PLEKHA5: variants seen among roughly 807,000 people sequenced by gnomAD.
The protein encoded by PLEKHA5 is pleckstrin homology domain-containing family A member 5.
Under a neutral mutation model 181.9 loss-of-function variants are expected in PLEKHA5, and 55 were observed. The observed-to-expected ratio is 0.30, with a 90% CI of 0.24 to 0.38. The LOEUF is 0.38. Among genes scored for constraint, PLEKHA5 ranks in the 10% least tolerant of loss-of-function variants. The pLI, the probability that PLEKHA5 is intolerant of heterozygous loss-of-function variation, is 1.00. For synonymous variants in PLEKHA5, 535 were observed against 529.4 expected, an observed-to-expected ratio of 1.01 and a Z score of -0.15; for missense variants, 1,432 against 1,549.5, an observed-to-expected ratio of 0.92 and a Z score of 1.27.
chr12:19,245,071 A>G (rs2063407874), intron 3 of PLEKHA5, among the ~76,000 whole-genome samples: 1 of 152,198 alleles, frequency 6.6e-6, no homozygotes, highest in Non-Finnish European at 1.5e-5. Flanking sequence ...CATTTTTCTG[A>G]AGGTAGAAAC....
At chr12:19,374,370 A>AT (rs1200009229) in intron 31 of PLEKHA5, among the ~76,000 whole-genome samples, 1 of 152,060 alleles carries the variant, frequency 6.6e-6, no homozygotes, top group African/African-American at 2.4e-5. Context: ...TTATAATCAC[A>AT]TTATGTTGGC....
chr12:19,255,035 A>G lies in PLEKHA5; in HGVS notation c.312-10A>G, dbSNP rs1305325892. The G allele has an allele frequency of 1.9e-6, 3 of 1,597,210 alleles. No homozygotes were observed. The highest frequency in any genetic ancestry group is 2.6e-6 in the Non-Finnish European group (3 of 1,169,070). On this transcript the variant is annotated splice_polypyrimidine_tract_variant and intron_variant, in intron 4 of 31. Transcript: ENST00000429027. ...ACAGCAAGTTCTAGCATTTTGACATATATTTTCAGGACTGTTGCAACCATG... is the reference window on the plus strand; with the variant it reads ...ACAGCAAGTTCTAGCATTTTGACATGTATTTTCAGGACTGTTGCAACCATG...
In PLEKHA5 at chr12:19,153,402, A is replaced by G. The variant is rs2040915494; in HGVS notation, c.227+20952A>G. 3.3e-5 allele frequency: 5 copies of G among 152,110 alleles called. No homozygotes were observed. In the South Asian group the frequency reaches 8.3e-4, roughly 25 times the overall value. The allele number at this position is 152,110 out of a possible 1,614,324, so 9.4% of individuals were successfully genotyped here. On this transcript the variant is annotated intron_variant, in intron 3 of 31. Coordinates refer to ENST00000429027, the MANE Select transcript of PLEKHA5 (RefSeq NM_001256470.2). ...ATCTTACATTGTTGGGATCAACCCA[A>G]CTTGGTCATGAAGTACTCTTTTTTC...
chr12:19,329,596 T>C (rs1395167425), intron 20 of PLEKHA5, among the ~76,000 whole-genome samples: 1 of 152,210 alleles, frequency 6.6e-6, no homozygotes, highest in Non-Finnish European at 1.5e-5. Context: ...ATCTATTTCA[T>C]CTAGATTTTC....
At chr12:19,270,910 G>T (rs572942516) in intron 10 of PLEKHA5, among the ~76,000 whole-genome samples, 7 of 151,564 alleles carry the variant, frequency 4.6e-5, no homozygotes, top group Middle Eastern at 3.4e-3. Context: ...TTGGCTTTTT[G>T]GCTAAAAGAC....
intron 29 of PLEKHA5, among the ~76,000 whole-genome samples, chr12:19,365,315 T>C (rs533427184): frequency 2.0e-5 from 3 of 147,412 alleles, no homozygotes; most frequent in South Asian, 4.3e-4. Flanking sequence ...GCAGTGAGCC[T>C]AGATCGCGCC....
chr12:19,195,557 C>G (rs2052471802), intron 3 of PLEKHA5, among the ~76,000 whole-genome samples: 1 of 150,882 alleles, frequency 6.6e-6, no homozygotes, highest in South Asian at 2.1e-4. Flanking sequence ...GTAGTCTCAG[C>G]TACTCTGAGG....
intron 15 of PLEKHA5, among the ~76,000 whole-genome samples, chr12:19,305,576 A>T (rs2083060408): frequency 7.2e-6 from 1 of 138,540 alleles, no homozygotes; most frequent in African/African-American, 2.7e-5. Context: ...AAAAAAAAAG[A>T]CCCAGCACGG....
chr12:19,256,808 C>T (rs1455511860), intron 5 of PLEKHA5, among the ~76,000 whole-genome samples: 2 of 151,998 alleles, frequency 1.3e-5, no homozygotes, highest in East Asian at 3.9e-4. Context: ...TCATGGTAAC[C>T]ATAGCAGTAT....
intron 3 of PLEKHA5, chr12:19,200,180 C>T: frequency 1.7e-6 from 1 of 572,412 alleles, no homozygotes. Flanking sequence ...GTGATGGATC[C>T]CCTCAAATAA....
chr12:19,171,076 T>C (rs2045780924), intron 3 of PLEKHA5, among the ~76,000 whole-genome samples: 1 of 152,232 alleles, frequency 6.6e-6, no homozygotes, highest in South Asian at 2.1e-4. Context: ...ATATTTCTCC[T>C]TGCTTTTTCC....
At chr12:19,194,028 C>A (rs2151985638) in intron 3 of PLEKHA5, among the ~76,000 whole-genome samples, 1 of 152,272 alleles carries the variant, frequency 6.6e-6, no homozygotes, top group East Asian at 1.9e-4. Flanking sequence ...CGCCATGACC[C>A]AAACACCTCC....
intron 3 of PLEKHA5, among the ~76,000 whole-genome samples, chr12:19,238,799 CAAAAAAA>C (rs3056444): frequency 1.5e-4 from 13 of 85,516 alleles, no homozygotes; most frequent in African/African-American, 4.6e-4. Flanking sequence ...TAAATCTGGC[CAAAAAAA>C]AAAAAAAAAA....
chr12:19,322,358 G>A lies in PLEKHA5; in HGVS notation c.2266G>A (p.Glu756Lys), dbSNP rs753486110. 41 of 1,613,480 alleles carry A rather than the reference G, an allele frequency of 2.5e-5. No individual in the cohort carries two copies. Among genetic ancestry groups the A allele is most frequent in the Non-Finnish European group, 3.4e-5 (40 of 1,179,490 alleles). Residue 756 changes from glutamate (E) to lysine (K), a missense_variant, in exon 19 of 32, where the codon GAA becomes AAA. Glu to Lys is a moderately conservative substitution (Grantham distance 56). Coordinates refer to ENST00000429027, the MANE Select transcript of PLEKHA5 (RefSeq NM_001256470.2). ...CEQDKVVHAL[E>K]EKLQQLHKEK... is the part of the protein sequence containing the mutation. ...ACAAGATAAAGTGGTGCATGCTCTG[G>A]AAGAGAAACTTCAGCAACTCCACAA...
chr12:19,148,199 G>C (rs1565867802), intron 3 of PLEKHA5, among the ~76,000 whole-genome samples: 1 of 152,160 alleles, frequency 6.6e-6, no homozygotes, highest in Non-Finnish European at 1.5e-5. Flanking sequence ...TGGCATTTCA[G>C]GCACCTGCCA....
At chr12:19,174,787 T>C (rs1424202668) in intron 3 of PLEKHA5, among the ~76,000 whole-genome samples, 1 of 152,216 alleles carries the variant, frequency 6.6e-6, no homozygotes, top group Non-Finnish European at 1.5e-5. Context: ...GGTTGTATTT[T>C]TATCTGTACA....
intron 9 of PLEKHA5, 121 bp from the exon 10 acceptor site, chr12:19,270,067 A>G (rs990991084): frequency 3.1e-6 from 2 of 652,380 alleles, no homozygotes; most frequent in Non-Finnish European, 5.0e-6. Context: ...TTAGTTTGCG[A>G]TACCACCTAC....
chr12:19,351,925 T>G (rs2094611955), intron 25 of PLEKHA5, among the ~76,000 whole-genome samples: 1 of 151,744 alleles, frequency 6.6e-6, no homozygotes. Flanking sequence ...AATACAAAAT[T>G]AGCTAGGCAT....
At position 19,319,736 on chromosome 12, in the gene PLEKHA5, G is replaced by A; in HGVS notation, c.2119-285G>A. ...CTGCAGAGGCTGTGATGTTATCTGT[G>A]GTATAACTGACTGGGATGGCTATTG... is the stretch of plus-strand genomic sequence containing the variant. On this transcript the variant is annotated intron_variant, in intron 16 of 31. Coordinates refer to ENST00000429027, the MANE Select transcript of PLEKHA5 (RefSeq NM_001256470.2). 3 of 265,474 alleles carry A rather than the reference G, an allele frequency of 1.1e-5. No individual in the cohort carries two copies. In the South Asian group the frequency reaches 1.4e-4, roughly 12 times the overall value. The allele number at this position is 265,474 out of a possible 1,614,324, so 16.4% of individuals were successfully genotyped here.
Sources: gnomAD v4.1 joint callset for allele counts (sites outside exome capture counted in the v4.1 genomes callset) on GRCh38, gnomAD v4.1.1 for gene constraint, MANE v1.5 for transcripts, NCBI Gene and HGNC (gene_info 2026-07-23, HGNC 2026-07-21) for gene names.